The following CCDC7 variants were observed in gnomAD, a reference collection of about 807,000 sequenced individuals.
The protein encoded by CCDC7 is coiled-coil domain containing 7.
In CCDC7, 183 loss-of-function variants were observed where a neutral mutation model predicts 196.9. The ratio of observed to expected loss-of-function variants is 0.93; its 90% CI spans 0.82 to 1.05. The LOEUF is 1.05. Ranked by LOEUF, CCDC7 falls within the 50% of genes least tolerant of loss-of-function variation. CCDC7 has a pLI of 0.00. For synonymous variants in CCDC7, 525 were observed against 484.6 expected, an observed-to-expected ratio of 1.08 and a Z score of -1.10; for missense variants, 1,540 against 1,482.2, an observed-to-expected ratio of 1.04 and a Z score of -0.64.
chr10:32,709,869 T>C (rs2080522536), intron 24 of CCDC7, among the ~76,000 whole-genome samples: 1 of 113,476 alleles, frequency 8.8e-6, no homozygotes, highest in African/African-American at 2.7e-5. Context: ...AATCTTATCA[T>C]TGACTGCTCT....
chr10:32,542,628 C>T (rs1230667479), intron 11 of CCDC7, among the ~76,000 whole-genome samples: 3 of 89,272 alleles, frequency 3.4e-5, no homozygotes, highest in African/African-American at 1.4e-4. Context: ...GTGAGACTCC[C>T]ATCTCAAAAA....
At chr10:32,513,795 A>T (rs1350628390) in intron 9 of CCDC7, 2 of 152,212 alleles carry the variant, frequency 1.3e-5, no homozygotes, top group East Asian at 1.9e-4. Context: ...ACAAAATTCA[A>T]CATCTTTTTA....
intron 13 of CCDC7, among the ~76,000 whole-genome samples, chr10:32,562,861 C>T (rs1409193587): frequency 2.0e-5 from 3 of 152,160 alleles, no homozygotes; most frequent in East Asian, 1.9e-4. Context: ...GTCAAATTGT[C>T]CCTGTTTGCA....
downstream of CCDC7, among the ~76,000 whole-genome samples, chr10:32,881,553 AGAGTTTCACT>A (rs2094791647): frequency 6.6e-6 from 1 of 152,144 alleles, no homozygotes; most frequent in Non-Finnish European, 1.5e-5. Context: ...ACTCCCACTC[AGAGTTTCACT>A]GAGACAAAGA....
chr10:32,590,946 A>T (rs972806746), intron 18 of CCDC7, among the ~76,000 whole-genome samples: 3 of 152,100 alleles, frequency 2.0e-5, no homozygotes, highest in Admixed American at 2.0e-4. Context: ...TTTGATTATT[A>T]AATGCCTTGA....
At chr10:32,650,912 A>G (rs996988409) in intron 20 of CCDC7, among the ~76,000 whole-genome samples, 1 of 152,152 alleles carries the variant, frequency 6.6e-6, no homozygotes, top group African/African-American at 2.4e-5. Context: ...CAGTTAGGGA[A>G]GGTTCCTGGG....
chr10:32,551,135 T>C (rs1020030743), intron 13 of CCDC7, among the ~76,000 whole-genome samples: 3 of 152,178 alleles, frequency 2.0e-5, no homozygotes, highest in Non-Finnish European at 4.4e-5. Context: ...AGGAGGGTTG[T>C]ATTTTTCCAG....
chr10:32,700,465 G>C (rs1055366913), intron 24 of CCDC7, among the ~76,000 whole-genome samples: 2 of 151,784 alleles, frequency 1.3e-5, no homozygotes, highest in South Asian at 4.1e-4. Flanking sequence ...CAGCCTTGTA[G>C]TATAGTTTGA....
intron 18 of CCDC7, among the ~76,000 whole-genome samples, chr10:32,633,696 A>G (rs11009006): frequency 2.2e-4 from 30 of 135,228 alleles, no homozygotes; most frequent in Admixed American, 1.2e-3. Flanking sequence ...ATATATATAT[A>G]TGTGTGTGTG....
exon 19 of CCDC7, chr10:32,634,331 A>G (rs1412284654): frequency 8.4e-7 from 1 of 1,195,218 alleles, no homozygotes; most frequent in Non-Finnish European, 1.0e-6. Flanking sequence ...AGAACAAATG[A>G]AACAAAGAAC....
intron 20 of CCDC7, among the ~76,000 whole-genome samples, chr10:32,636,443 T>A (rs2065657308): frequency 6.6e-6 from 1 of 152,156 alleles, no homozygotes; most frequent in Non-Finnish European, 1.5e-5. Flanking sequence ...GTGTTCTCAC[T>A]GTTCAATTCC....
chr10:32,530,438 A>G (rs984499338), intron 11 of CCDC7, among the ~76,000 whole-genome samples: 1 of 152,302 alleles, frequency 6.6e-6, no homozygotes, highest in East Asian at 1.9e-4. Flanking sequence ...TGAATGGGGA[A>G]AAACTGAAGG....
intron 29 of CCDC7, among the ~76,000 whole-genome samples, chr10:32,781,705 T>C (rs2081092596): frequency 6.6e-6 from 1 of 152,190 alleles, no homozygotes; most frequent in East Asian, 1.9e-4. Context: ...TCATATTCAA[T>C]GGTAAAAGAT....
intron 18 of CCDC7, among the ~76,000 whole-genome samples, chr10:32,620,365 T>C (rs1388959334): frequency 2.0e-5 from 3 of 152,204 alleles, no homozygotes; most frequent in Non-Finnish European, 4.4e-5. Flanking sequence ...CGTGATAATA[T>C]CATCTTCTAC....
exon 5 of CCDC7, chr10:32,463,048 A>T: frequency 6.2e-7 from 1 of 1,613,448 alleles, no homozygotes; most frequent in Non-Finnish European, 8.5e-7. Flanking sequence ...CAGATGGAAG[A>T]AGTAAGTCTA....
At chr10:32,451,966 C>T in intron 1 of CCDC7, 45 bp downstream of exon 2, 5 of 1,562,456 alleles carry the variant, frequency 3.2e-6, no homozygotes, top group Non-Finnish European at 4.3e-6. Flanking sequence ...CCCATGATCA[C>T]CCCAGGTTTA....
At chr10:32,590,955 G>A (rs1225585455) in intron 18 of CCDC7, among the ~76,000 whole-genome samples, 1 of 152,002 alleles carries the variant, frequency 6.6e-6, no homozygotes, top group Non-Finnish European at 1.5e-5. Flanking sequence ...TAAATGCCTT[G>A]AGGTAGTTTT....
At chr10:32,774,832 G>A (rs942087935) in intron 28 of CCDC7, among the ~76,000 whole-genome samples, 1 of 152,154 alleles carries the variant, frequency 6.6e-6, no homozygotes, top group African/African-American at 2.4e-5. Flanking sequence ...AAAGTGGTTA[G>A]TGGAATGTAT....
At chr10:32,699,424 G>A (rs1396959503) in intron 24 of CCDC7, among the ~76,000 whole-genome samples, 1 of 151,806 alleles carries the variant, frequency 6.6e-6, no homozygotes. Flanking sequence ...TGGTGTATAT[G>A]TGCCACATTT....
Sources: gnomAD v4.1 joint callset for allele counts (sites outside exome capture counted in the v4.1 genomes callset) on GRCh38, gnomAD v4.1.1 for gene constraint, MANE v1.5 for transcripts, NCBI Gene and HGNC (gene_info 2026-07-23, HGNC 2026-07-21) for gene names.